Variants in RPS6KA2 observed in about 807,000 individuals in gnomAD.
The protein encoded by RPS6KA2 is ribosomal protein S6 kinase alpha-2.
A neutral mutation model predicts 91.8 loss-of-function variants in RPS6KA2; 42 were observed. The ratio of observed to expected loss-of-function variants is 0.46; its 90% CI spans 0.36 to 0.59. The LOEUF is 0.59. Ranked by LOEUF, RPS6KA2 falls within the 20% of genes least tolerant of loss-of-function variation. The probability of loss-of-function intolerance (pLI) is 0.00; values close to 1 mark genes in which losing one functional copy is unlikely to be tolerated. For synonymous variants in RPS6KA2, 414 were observed against 393.6 expected, an observed-to-expected ratio of 1.05 and a Z score of -0.61; for missense variants, 798 against 978.5, an observed-to-expected ratio of 0.82 and a Z score of 2.46.
In RPS6KA2 at chr6:166,433,337, A is replaced by G. The variant is rs1025315538; in HGVS notation, c.1333-847T>C. ...TCCGATGTCTTAGGATAACAGATAA[A>G]GTTGCTTCAACCCCATGGAGACATA... On this transcript the variant is annotated intron_variant, in intron 14 of 20. Transcript: ENST00000265678. The surrounding 1 kb of genome is among the most constrained non-coding windows in gnomAD (Gnocchi z 4.4). Among the ~76,000 whole-genome samples the G allele has an allele frequency of 1.3e-5, 2 of 152,182 alleles. No individual in the cohort carries two copies. The highest frequency in any genetic ancestry group is 4.1e-4 in the South Asian group (2 of 4,830).
intron 11 of RPS6KA2, among the ~76,000 whole-genome samples, chr6:166,462,673 C>T (rs1780362005): frequency 6.6e-6 from 1 of 152,188 alleles, no homozygotes; most frequent in Non-Finnish European, 1.5e-5. Flanking sequence ...GTCCTAAGCC[C>T]AGGTAGTCCC....
chr6:166,622,511 A>C (rs1027252642), intron 1 of RPS6KA2, among the ~76,000 whole-genome samples: 1 of 152,200 alleles, frequency 6.6e-6, no homozygotes, highest in Non-Finnish European at 1.5e-5. Flanking sequence ...AATTATCTTA[A>C]TTAGAAATGG....
intron 2 of RPS6KA2, among the ~76,000 whole-genome samples, chr6:166,776,179 G>A (rs1778613111): frequency 6.6e-6 from 1 of 152,168 alleles, no homozygotes; most frequent in Non-Finnish European, 1.5e-5. Flanking sequence ...CCAGCAAGAC[G>A]CCAGGCAGAA....
intron 2 of RPS6KA2, among the ~76,000 whole-genome samples, chr6:166,824,797 CTGTGTGTCTA>C (rs1780002386): frequency 7.4e-6 from 1 of 134,704 alleles, no homozygotes. Context: ...GTGTGTGTGT[CTGTGTGTCTA>C]TGTGTGTCTG....
At chr6:166,803,976 A>T (rs1363111470) in intron 2 of RPS6KA2, among the ~76,000 whole-genome samples, 1 of 152,206 alleles carries the variant, frequency 6.6e-6, no homozygotes, top group Admixed American at 6.5e-5. Context: ...GTGTAACCCT[A>T]ATAATATTGC....
intron 2 of RPS6KA2, among the ~76,000 whole-genome samples, chr6:166,817,817 G>A (rs907065972): frequency 6.6e-6 from 1 of 151,742 alleles, no homozygotes; most frequent in Non-Finnish European, 1.5e-5. Context: ...CTGCCTCCCG[G>A]GTTCAAGTGA....
chr6:166,487,031 T>C (rs990121102), intron 10 of RPS6KA2, among the ~76,000 whole-genome samples: 8 of 152,256 alleles, frequency 5.3e-5, no homozygotes, highest in African/African-American at 1.7e-4. Flanking sequence ...TCCTTATTGA[T>C]TGATGCTTAC....
chr6:166,463,089 G>T (rs1057308942), intron 11 of RPS6KA2: 1 of 152,348 alleles, frequency 6.6e-6, no homozygotes, highest in African/African-American at 2.4e-5. Flanking sequence ...CCCTTTGGAC[G>T]GCTTCCTCGA....
intron 1 of RPS6KA2, chr6:166,542,159 G>T (rs1783680031): frequency 6.6e-6 from 1 of 152,236 alleles, no homozygotes; most frequent in East Asian, 1.9e-4. Flanking sequence ...ATAGGAAACA[G>T]CCAGATGAAG....
At chr6:166,589,245 TGCTCAACA>T (rs1785281225) in intron 1 of RPS6KA2, among the ~76,000 whole-genome samples, 1 of 152,240 alleles carries the variant, frequency 6.6e-6, no homozygotes, top group African/African-American at 2.4e-5. Flanking sequence ...AGAAAGCGTC[TGCTCAACA>T]GCTCAACAGG....
At chr6:166,854,928 C>T (rs1174049256) in intron 2 of RPS6KA2, among the ~76,000 whole-genome samples, 3 of 152,138 alleles carry the variant, frequency 2.0e-5, no homozygotes, top group African/African-American at 4.8e-5. Flanking sequence ...AATAGCATAG[C>T]CATGGAATCA....
intron 1 of RPS6KA2, among the ~76,000 whole-genome samples, chr6:166,594,452 A>G (rs34324183): frequency 0.089 from 13,555 of 152,296 alleles, 738 homozygotes; most frequent in East Asian, 0.27. Context: ...TTGTCTGTCC[A>G]AACACATTTT....
chr6:166,809,813 A>G (rs534319187), intron 2 of RPS6KA2, among the ~76,000 whole-genome samples: 92 of 152,346 alleles, frequency 6.0e-4, no homozygotes, highest in South Asian at 3.9e-3. Flanking sequence ...CCAATGACTC[A>G]GAACTTCATT....
At chr6:166,839,047 C>T (rs1433442247) in intron 2 of RPS6KA2, among the ~76,000 whole-genome samples, 1 of 152,164 alleles carries the variant, frequency 6.6e-6, no homozygotes, top group Non-Finnish European at 1.5e-5. Flanking sequence ...AAATGAAACA[C>T]AGCCTCTGCC....
In RPS6KA2 at chr6:166,508,146, T is replaced by G. The variant is rs2128481639; in HGVS notation, c.459+57A>C. On this transcript the variant is annotated intron_variant, in intron 5 of 20. Transcript: ENST00000265678. The surrounding 1 kb of genome is among the most constrained non-coding windows in gnomAD (Gnocchi z 4.3). ...TCAATGCTCTCCACCCCTCCTCCCCTCGAGTCCCAGACAGAAGCTCCTGCC... is the reference window on the plus strand; with the variant it reads ...TCAATGCTCTCCACCCCTCCTCCCCGCGAGTCCCAGACAGAAGCTCCTGCC... 1 of 1,150,284 alleles carries G rather than the reference T, an allele frequency of 8.7e-7. No individual in the cohort carries two copies. Among genetic ancestry groups the G allele is most frequent in the Non-Finnish European group, 1.3e-6 (1 of 769,170 alleles). 71.3% of individuals were successfully genotyped at this position (1,150,284 alleles called of 1,614,324 possible).
At position 166,767,894 on chromosome 6, in the gene RPS6KA2, G is replaced by A. The variant is rs544801710; in HGVS notation, c.123+90306C>T. Among the ~76,000 whole-genome samples the A allele has an allele frequency of 3.9e-4, 59 of 152,070 alleles. No individual in the cohort carries two copies. The highest frequency in any genetic ancestry group is 1.4e-3 in the African/African-American group (56 of 41,468). On this transcript the variant is annotated intron_variant, in intron 2 of 21. Coordinates refer to the RPS6KA2 transcript ENST00000503859. The surrounding 1 kb of genome is among the most constrained non-coding windows in gnomAD (Gnocchi z 4.6). ...TGGCAGAGCCTGCTCTCACTGTTTGGGTGCAAACCTTGGGGGTTTTATTTT... is the reference window on the plus strand; with the variant it reads ...TGGCAGAGCCTGCTCTCACTGTTTGAGTGCAAACCTTGGGGGTTTTATTTT...
rs1396184266 is a variant in RPS6KA2 at position 166,645,629 on chromosome 6, GC to G, written c.124-106846del. Among the ~76,000 whole-genome samples the G allele has an allele frequency of 3.9e-5, 6 of 152,248 alleles. No individual in the cohort carries two copies. In the East Asian group the frequency reaches 9.6e-4, roughly 24 times the overall value. ...AGCCCTGCCATGCTCACGGGAATGT[GC>G]CCCCCCTTCTCTGGATCTACCTGGA... On this transcript the variant is annotated intron_variant, in intron 2 of 21. Transcript: ENST00000503859.
Position 166,413,838 on chromosome 6 carries a change from G to C in RPS6KA2, c.2032C>G (p.Leu678Val). The C allele has an allele frequency of 6.2e-7, 1 of 1,614,204 alleles. No individual in the cohort carries two copies. The highest frequency in any genetic ancestry group is 8.5e-7 in the Non-Finnish European group (1 of 1,180,016). Residue 678 changes from leucine (L) to valine (V), a missense_variant, in exon 20 of 21, where the codon CTG becomes GTG. Leu to Val is a conservative substitution (Grantham distance 32). Coordinates refer to ENST00000265678, the MANE Select transcript of RPS6KA2 (RefSeq NM_021135.6). ...KHPWVVNREY[L>V]SPNQLSRQDV... ...TGTCGGCTGAGCTGGTTTGGGGACAGGTACTCTCTGTTGACCACCCACGGG... is the reference window on the plus strand; with the variant it reads ...TGTCGGCTGAGCTGGTTTGGGGACACGTACTCTCTGTTGACCACCCACGGG...
chr6:166,496,077 G>C, intron 8 of RPS6KA2, among the ~76,000 whole-genome samples: 1 of 152,204 alleles, frequency 6.6e-6, no homozygotes, highest in Non-Finnish European at 1.5e-5. Context: ...AGAACTGGGC[G>C]TGGTGGCTCA....
Sources: allele counts gnomAD v4.1 joint callset (sites outside exome capture counted in the v4.1 genomes callset), GRCh38; gene constraint gnomAD v4.1.1; non-coding constraint Gnocchi (gnomAD v3.1); transcripts MANE v1.5; gene names NCBI Gene and HGNC (gene_info 2026-07-23, HGNC 2026-07-21).